The following FAM177A1 variants were observed in gnomAD, a reference collection of about 807,000 sequenced individuals.
FAM177A1 encodes protein FAM177A1.
FAM177A1 carries 22 observed loss-of-function variants against 26.1 expected under a neutral mutation model. The ratio of observed to expected loss-of-function variants is 0.84; its 90% CI spans 0.60 to 1.20. The LOEUF (loss-of-function observed/expected upper bound fraction) is 1.20. Among genes scored for constraint, FAM177A1 ranks in the 50% most tolerant of loss-of-function variants. The probability of loss-of-function intolerance (pLI) is 0.00; values close to 1 mark genes in which losing one functional copy is unlikely to be tolerated. For synonymous variants in FAM177A1, 95 were observed against 99.3 expected (o/e 0.96, Z 0.26); for missense variants, 296 against 291.1 (o/e 1.02, Z -0.12).
At chr14:35,075,179 G>T (rs2045376643) in intron 2 of FAM177A1, among the ~76,000 whole-genome samples, 1 of 152,182 alleles carries the variant, frequency 6.6e-6, no homozygotes, top group Non-Finnish European at 1.5e-5. Flanking sequence ...CATCTGTTTG[G>T]CAAGCTTCAC....
intron 1 of FAM177A1, among the ~76,000 whole-genome samples, chr14:35,051,724 T>C (rs558252531): frequency 2.0e-5 from 3 of 152,236 alleles, no homozygotes; most frequent in South Asian, 2.1e-4. Flanking sequence ...GTTACCAAAT[T>C]TTCATGATCT....
chr14:35,057,162 T>C (rs2045074547), intron 2 of FAM177A1, among the ~76,000 whole-genome samples: 1 of 152,214 alleles, frequency 6.6e-6, no homozygotes, highest in Non-Finnish European at 1.5e-5. Context: ...AGTTTCTTAA[T>C]TGGGCATTTA....
intron 3 of FAM177A1, 25 bp downstream of exon 3, chr14:35,077,241 G>A (rs2045410069): frequency 1.9e-6 from 3 of 1,603,488 alleles, no homozygotes; most frequent in African/African-American, 2.7e-5. Context: ...CTTGAATATT[G>A]TATAATTGCT....
intron 1 of FAM177A1, 134 bp from the exon 2 acceptor site, chr14:35,053,144 A>G (rs79698726): frequency 2.8e-6 from 2 of 722,270 alleles, no homozygotes; most frequent in Non-Finnish European, 4.5e-6. Context: ...GAGTGAGACC[A>G]TGTCTCAGAA....
intron 2 of FAM177A1, among the ~76,000 whole-genome samples, chr14:35,055,599 A>G (rs2045049405): frequency 6.6e-6 from 1 of 151,406 alleles, no homozygotes; most frequent in Admixed American, 6.6e-5. Flanking sequence ...ACGCCCGGCT[A>G]ATTTTTGTAT....
chr14:35,078,926 G>T lies in FAM177A1; in HGVS notation c.407-1G>T. The T allele has an allele frequency of 6.5e-7, 1 of 1,527,888 alleles. No homozygotes were observed. Among genetic ancestry groups the T allele is most frequent in the Non-Finnish European group, 8.7e-7 (1 of 1,149,716 alleles). 94.6% of individuals were successfully genotyped at this position (1,527,888 alleles called of 1,614,324 possible). A position where few individuals can be genotyped will look rare whatever the true frequency, so the allele number is the denominator to read the frequency against. The stretch of plus-strand genomic sequence containing the variant: ...AAGTCTTTTAACTTTTGTATTTTCA[G>T]TGTGTGACTTCCTTGGAGAGAAGAT... On this transcript the variant is annotated splice_acceptor_variant, in intron 3 of 4. Transcript: ENST00000280987. LOFTEE classifies it high-confidence loss of function.
chr14:35,066,198 C>T (rs1397186890), intron 2 of FAM177A1, among the ~76,000 whole-genome samples: 1 of 151,690 alleles, frequency 6.6e-6, no homozygotes, highest in African/African-American at 2.4e-5. Context: ...TCCTAAGTAG[C>T]TGGGACTACA....
chr14:35,069,976 C>T (rs1026179230), intron 2 of FAM177A1, among the ~76,000 whole-genome samples: 1 of 150,910 alleles, frequency 6.6e-6, no homozygotes, highest in African/African-American at 2.4e-5. Context: ...ATTAGGTGGG[C>T]GTGGTGGTGG....
chr14:35,077,068 A>G, intron 2 of FAM177A1, 82 bp from the exon 3 acceptor site: 1 of 1,055,714 alleles, frequency 9.5e-7, no homozygotes, highest in Non-Finnish European at 1.5e-6. Context: ...GGTGCCTACC[A>G]AGTATTTGAC....
At chr14:35,080,758 C>T (rs887839057) in intron 4 of FAM177A1, among the ~76,000 whole-genome samples, 7 of 151,938 alleles carry the variant, frequency 4.6e-5, no homozygotes, top group African/African-American at 1.7e-4. Flanking sequence ...CCACTGCACT[C>T]CAGCCTGGGT....
intron 3 of FAM177A1, among the ~76,000 whole-genome samples, chr14:35,078,524 G>A (rs558116271): frequency 1.1e-3 from 162 of 152,164 alleles, no homozygotes; most frequent in Non-Finnish European, 1.7e-3. Context: ...GCTAATTTTT[G>A]TATTTTTAGT....
At chr14:35,062,513 T>C (rs2045174208) in intron 2 of FAM177A1, among the ~76,000 whole-genome samples, 2 of 152,158 alleles carry the variant, frequency 1.3e-5, no homozygotes, top group Admixed American at 1.3e-4. Context: ...TCACCTTGCT[T>C]TGACAAAGAC....
chr14:35,046,901 GGAA>G (rs2044876307), intron 1 of FAM177A1: 1 of 1,251,312 alleles, frequency 8.0e-7, no homozygotes, highest in Non-Finnish European at 1.0e-6. Flanking sequence ...GTCTACCAGA[GGAA>G]GAAGAAAGGC....
rs1266182217 is a variant in FAM177A1 at position 35,053,451 on chromosome 14, G to A, written c.339G>A (p.Pro113=). The stretch of plus-strand genomic sequence containing the variant: ...AAGATGTTTTGCCTACTGTTGATCC[G>A]GTAGGTTTGATATTGATGATTCTTT... ...EKKDVLPTVD[P]TKLTWGPYLW... The change falls in exon 2 of 5, where the codon CCG becomes CCA. Residue 113 remains proline (P), a splice_region_variant and synonymous_variant. Coordinates refer to ENST00000280987, the MANE Select transcript of FAM177A1 (RefSeq NM_173607.5). 6.2e-7 allele frequency: 1 copy of A among 1,613,516 alleles called. No homozygotes were observed. Among genetic ancestry groups the A allele is most frequent in the Admixed American group, 1.7e-5 (1 of 59,864 alleles).
chr14:35,053,187 A>T, intron 1 of FAM177A1, 91 bp from the exon 2 acceptor site: 1 of 1,150,234 alleles, frequency 8.7e-7, no homozygotes, highest in Non-Finnish European at 1.2e-6. Flanking sequence ...TTATTTCTTT[A>T]CTACAATAAA....
rs1174048238 is a variant in FAM177A1, at chr14:35,082,586, T to C, written c.*1358T>C. Reference sequence around the variant, plus strand: ...ACACATATATCTCTAAATGTGTGTATAGAACCTTTTATCAGTATAACATTG... The same window carrying C: ...ACACATATATCTCTAAATGTGTGTACAGAACCTTTTATCAGTATAACATTG... On this transcript the variant is annotated 3_prime_UTR_variant, in exon 5 of 5. Coordinates refer to ENST00000280987, the MANE Select transcript of FAM177A1 (RefSeq NM_173607.5). 1 of 152,078 alleles carries C rather than the reference T, an allele frequency of 6.6e-6. No homozygotes were observed. The highest frequency in any genetic ancestry group is 1.5e-5 in the Non-Finnish European group (1 of 68,010). 9.4% of individuals were successfully genotyped at this position (152,078 alleles called of 1,614,324 possible). A position where few individuals can be genotyped will look rare whatever the true frequency, so the allele number is the denominator to read the frequency against.
intron 2 of FAM177A1, among the ~76,000 whole-genome samples, chr14:35,065,903 A>ACT (rs2045234169): frequency 1.3e-5 from 2 of 151,832 alleles, no homozygotes; most frequent in South Asian, 4.2e-4. Context: ...TCTTGGCCAG[A>ACT]CTGGTCAACA....
intron 3 of FAM177A1, among the ~76,000 whole-genome samples, chr14:35,078,277 A>G (rs1359774003): frequency 6.6e-6 from 1 of 152,194 alleles, no homozygotes; most frequent in African/African-American, 2.4e-5. Context: ...TACCTGGCAC[A>G]TGGTAGGCAC....
At chr14:35,060,841 T>A (rs2045140311) in intron 2 of FAM177A1, among the ~76,000 whole-genome samples, 1 of 152,192 alleles carries the variant, frequency 6.6e-6, no homozygotes, top group African/African-American at 2.4e-5. Context: ...AATAAACAAT[T>A]GATAAATTTT....
Sources: gnomAD v4.1 joint callset for allele counts (sites outside exome capture counted in the v4.1 genomes callset) on GRCh38, gnomAD v4.1.1 for gene constraint, MANE v1.5 for transcripts, NCBI Gene and HGNC (gene_info 2026-07-23, HGNC 2026-07-21) for gene names.